The following APPL2 variants were observed in gnomAD, a reference collection of about 807,000 sequenced individuals.
APPL2 encodes DCC-interacting protein 13-beta.
A neutral mutation model predicts 92.7 loss-of-function variants in APPL2; 84 were observed. The ratio of observed to expected loss-of-function variants is 0.91; its 90% CI spans 0.76 to 1.09. APPL2 has a LOEUF of 1.09. Ranked by LOEUF, APPL2 falls within the 50% of genes least tolerant of loss-of-function variation. The pLI, the probability that APPL2 is intolerant of heterozygous loss-of-function variation, is 0.00. For synonymous variants in APPL2, 291 were observed against 291.0 expected, an observed-to-expected ratio of 1.00 and a Z score of 0.00; for missense variants, 736 against 824.5, an observed-to-expected ratio of 0.89 and a Z score of 1.31.
At chr12:105,177,998 C>G (rs1458289695) in intron 17 of APPL2, among the ~76,000 whole-genome samples, 2 of 152,106 alleles carry the variant, frequency 1.3e-5, no homozygotes, top group African/African-American at 4.8e-5. Flanking sequence ...ACCATGTTGA[C>G]CAGGCTGGTG....
chr12:105,184,270 A>C (rs570324205), intron 17 of APPL2, among the ~76,000 whole-genome samples: 1 of 152,138 alleles, frequency 6.6e-6, no homozygotes, highest in African/African-American at 2.4e-5. Context: ...TAAATTCTTC[A>C]AACTCATTCT....
intron 2 of APPL2, among the ~76,000 whole-genome samples, chr12:105,225,062 T>C (rs1380549007): frequency 6.9e-6 from 1 of 144,248 alleles, no homozygotes; most frequent in Non-Finnish European, 1.5e-5. Context: ...ACTGCAGACA[T>C]GTAACTGTTA....
chr12:105,201,350 C>G (rs1034744305), intron 9 of APPL2, among the ~76,000 whole-genome samples: 11 of 152,142 alleles, frequency 7.2e-5, no homozygotes, highest in African/African-American at 2.7e-4. Flanking sequence ...ACTGCCCCGG[C>G]TGAGAGAATG....
intron 1 of APPL2, chr12:105,235,253 T>G (rs748721646): frequency 6.6e-5 from 10 of 152,206 alleles, no homozygotes; most frequent in Non-Finnish European, 1.3e-4. Flanking sequence ...CATCCTGCAC[T>G]CATTTGCTAT....
chr12:105,204,833 G>T (rs1374676660), intron 8 of APPL2, among the ~76,000 whole-genome samples: 2 of 152,168 alleles, frequency 1.3e-5, no homozygotes, highest in Non-Finnish European at 2.9e-5. Context: ...TGGGCGAATG[G>T]ATGAACGGAA....
chr12:105,221,072 G>C (rs929224043), intron 2 of APPL2, among the ~76,000 whole-genome samples: 10 of 152,196 alleles, frequency 6.6e-5, no homozygotes, highest in Non-Finnish European at 1.5e-4. Flanking sequence ...TCTTTCAAAA[G>C]AGATCAACTT....
chr12:105,209,619 C>T (rs1181698641), intron 5 of APPL2, among the ~76,000 whole-genome samples: 1 of 152,054 alleles, frequency 6.6e-6, no homozygotes, highest in Non-Finnish European at 1.5e-5. Flanking sequence ...AAATGACATC[C>T]CGTTCACTTC....
At chr12:105,188,918 T>A (rs1182853674) in intron 16 of APPL2, among the ~76,000 whole-genome samples, 1 of 152,206 alleles carries the variant, frequency 6.6e-6, no homozygotes, top group South Asian at 2.1e-4. Flanking sequence ...AGTGATGATG[T>A]TTCATAGCCT....
Position 105,229,520 on chromosome 12 carries a change from G to C in APPL2, c.55-297C>G, listed in dbSNP as rs1043400564. ...AGGGCTATTATCTGTTCTGACTTTAGCCCCTACCTAAGCACCAGTAAAGTC... is the reference window on the plus strand; with the variant it reads ...AGGGCTATTATCTGTTCTGACTTTACCCCCTACCTAAGCACCAGTAAAGTC... On this transcript the variant is annotated intron_variant, in intron 1 of 20. Coordinates refer to ENST00000258530, the MANE Select transcript of APPL2 (RefSeq NM_018171.5). 3 of 1,023,506 alleles carry C rather than the reference G, an allele frequency of 2.9e-6. No homozygotes were observed. In the African/African-American group the frequency reaches 5.1e-5, roughly 17 times the overall value. The allele number at this position is 1,023,506 out of a possible 1,614,324, so 63.4% of individuals were successfully genotyped here. A position where few individuals can be genotyped will look rare whatever the true frequency, so the allele number is the denominator to read the frequency against.
intron 14 of APPL2, among the ~76,000 whole-genome samples, chr12:105,192,176 TATCC>T (rs1887262478): frequency 6.6e-6 from 1 of 152,202 alleles, no homozygotes; most frequent in Non-Finnish European, 1.5e-5. Flanking sequence ...CGTCTACGCT[TATCC>T]ATCAAAAGTC....
intron 17 of APPL2, among the ~76,000 whole-genome samples, chr12:105,187,217 T>C (rs893391354): frequency 1.3e-5 from 2 of 152,144 alleles, no homozygotes; most frequent in African/African-American, 4.8e-5. Context: ...TCAGATAAGG[T>C]TCATAATAAA....
intron 7 of APPL2, among the ~76,000 whole-genome samples, 185 bp downstream of exon 7, chr12:105,207,786 T>C (rs1227287107): frequency 6.6e-6 from 1 of 152,054 alleles, no homozygotes; most frequent in Non-Finnish European, 1.5e-5. Flanking sequence ...AATAAACCAG[T>C]TTGAAAAGAT....
rs762507272 is a variant in APPL2 at position 105,207,974 on chromosome 12, C to A, written c.471G>T (p.Glu157Asp). 8 of 1,612,628 alleles carry A rather than the reference C, an allele frequency of 5.0e-6. No homozygotes were observed. In the African/African-American group the frequency reaches 1.1e-4, roughly 22 times the overall value. The stretch of plus-strand genomic sequence containing the variant: ...ACAACATGTAAAGTATTCTTACCTT[C>A]TCATTCTCCTTTTTCTTAGGCAGCC... Reference protein sequence around the residue: ...YSRLPKKKENEKVKTEVGKEV... With the variant: ...YSRLPKKKENDKVKTEVGKEV... Residue 157 changes from glutamate to aspartate, a missense_variant, in exon 7 of 21, where the codon GAG (glutamate) becomes GAT (aspartate). By Grantham distance (45) the Glu-to-Asp change is conservative. Transcript: ENST00000258530.
At chr12:105,225,700 G>A (rs1890442429) in intron 2 of APPL2, among the ~76,000 whole-genome samples, 10 of 152,166 alleles carry the variant, frequency 6.6e-5, no homozygotes, top group Admixed American at 6.5e-4. Flanking sequence ...TGACTCCAGG[G>A]ACTACTGTAA....
At chr12:105,220,024 G>GC (rs1889978113) in intron 2 of APPL2, among the ~76,000 whole-genome samples, 2 of 152,208 alleles carry the variant, frequency 1.3e-5, no homozygotes, top group Non-Finnish European at 2.9e-5. Flanking sequence ...CCCTGTAAAA[G>GC]CAGGTTCTAA....
intron 11 of APPL2, among the ~76,000 whole-genome samples, chr12:105,196,219 GTGTT>G (rs1340485100): frequency 1.3e-5 from 2 of 151,984 alleles, no homozygotes; most frequent in Non-Finnish European, 2.9e-5. Context: ...GCCCAAATCT[GTGTT>G]TGTACAGTGA....
chr12:105,180,504 T>C (rs1405012423), intron 17 of APPL2, among the ~76,000 whole-genome samples: 1 of 152,224 alleles, frequency 6.6e-6, no homozygotes, highest in Non-Finnish European at 1.5e-5. Flanking sequence ...TTTTTCTAAC[T>C]CTGTTAAGAA....
At chr12:105,223,658 C>A (rs547999410) in intron 2 of APPL2, among the ~76,000 whole-genome samples, 1 of 152,108 alleles carries the variant, frequency 6.6e-6, no homozygotes, top group Non-Finnish European at 1.5e-5. Flanking sequence ...AGATGTTTGG[C>A]GAGGAGCCAA....
intron 19 of APPL2, chr12:105,176,461 G>C (rs1716238011): frequency 2.3e-6 from 1 of 442,138 alleles, no homozygotes; most frequent in Non-Finnish European, 3.9e-6. Context: ...GTAGCAGATA[G>C]AGTCAAAAGT....
Sources: gnomAD v4.1 joint callset for allele counts (sites outside exome capture counted in the v4.1 genomes callset) on GRCh38, gnomAD v4.1.1 for gene constraint, MANE v1.5 for transcripts, NCBI Gene and HGNC (gene_info 2026-07-23, HGNC 2026-07-21) for gene names.